The following SGCZ variants were observed in gnomAD, a reference collection of about 807,000 sequenced individuals.
SGCZ encodes sarcoglycan zeta.
SGCZ carries 40 observed loss-of-function variants against 41.3 expected under a neutral mutation model. The observed-to-expected ratio is 0.97, with a 90% CI of 0.75 to 1.26. SGCZ has a LOEUF of 1.26. SGCZ is among the 50% of genes most tolerant of loss of function. SGCZ has a pLI of 0.00. For synonymous variants in SGCZ, 206 were observed against 137.5 expected (o/e 1.50, Z -3.49); for missense variants, 552 against 369.8 (o/e 1.49, Z -4.04).
At chr8:14,625,218 T>A (rs1440968434) in intron 1 of SGCZ, among the ~76,000 whole-genome samples, 2 of 152,136 alleles carry the variant, frequency 1.3e-5, no homozygotes, top group Non-Finnish European at 2.9e-5. Flanking sequence ...TTACAACATT[T>A]TTTAACATAC....
chr8:14,681,569 C>A (rs1477647709), intron 1 of SGCZ, among the ~76,000 whole-genome samples: 4 of 152,118 alleles, frequency 2.6e-5, no homozygotes, highest in Non-Finnish European at 5.9e-5. Flanking sequence ...TAAAGAGAAG[C>A]TAAAGTTATG....
At chr8:15,047,320 T>A (rs1563465519) in intron 1 of SGCZ, among the ~76,000 whole-genome samples, 1 of 152,056 alleles carries the variant, frequency 6.6e-6, no homozygotes, top group Non-Finnish European at 1.5e-5. Context: ...ATGTTTTCAT[T>A]TCCCAGAAAT....
At chr8:14,210,809 A>G (rs1166772504) in intron 4 of SGCZ, among the ~76,000 whole-genome samples, 1 of 152,140 alleles carries the variant, frequency 6.6e-6, no homozygotes, top group East Asian at 1.9e-4. Context: ...ATTTGTGGTC[A>G]CTATTTGCCA....
intron 1 of SGCZ, among the ~76,000 whole-genome samples, chr8:15,140,494 G>T (rs1808279091): frequency 6.6e-6 from 1 of 152,076 alleles, no homozygotes; most frequent in Admixed American, 6.5e-5. Flanking sequence ...CTTGAGGATG[G>T]AGATAATACA....
At chr8:14,622,952 T>A (rs1466629417) in intron 1 of SGCZ, among the ~76,000 whole-genome samples, 2 of 152,180 alleles carry the variant, frequency 1.3e-5, no homozygotes, top group East Asian at 3.8e-4. Flanking sequence ...AAACTCCATG[T>A]ATCTATTGAT....
chr8:14,803,585 G>C (rs1015103252), intron 1 of SGCZ, among the ~76,000 whole-genome samples: 7 of 152,116 alleles, frequency 4.6e-5, no homozygotes, highest in African/African-American at 1.7e-4. Context: ...CTGACGCCCA[G>C]GGAGTCTCCC....
intron 1 of SGCZ, among the ~76,000 whole-genome samples, chr8:15,158,687 A>G (rs2117035267): frequency 6.6e-6 from 1 of 152,356 alleles, no homozygotes; most frequent in African/African-American, 2.4e-5. Flanking sequence ...TTGAATATAA[A>G]TAGTGAGGCC....
chr8:15,108,032 T>G (rs1190811606), intron 1 of SGCZ, among the ~76,000 whole-genome samples: 2 of 152,212 alleles, frequency 1.3e-5, no homozygotes, highest in South Asian at 4.1e-4. Flanking sequence ...TGGGATTTAC[T>G]AATAGTTTTT....
chr8:14,263,796 A>G (rs1228819222), intron 3 of SGCZ, among the ~76,000 whole-genome samples: 1 of 152,182 alleles, frequency 6.6e-6, no homozygotes, highest in Non-Finnish European at 1.5e-5. Context: ...CAAGAAGGAC[A>G]GAGTCACACT....
chr8:14,218,575 T>C (rs1411731849), intron 4 of SGCZ, among the ~76,000 whole-genome samples: 2 of 152,248 alleles, frequency 1.3e-5, no homozygotes, highest in Non-Finnish European at 2.9e-5. Flanking sequence ...GACAGTGGAA[T>C]GCATTCTTAA....
intron 1 of SGCZ, among the ~76,000 whole-genome samples, chr8:15,063,970 G>A (rs567411734): frequency 6.6e-6 from 1 of 152,084 alleles, no homozygotes; most frequent in Admixed American, 6.5e-5. Context: ...CTTATTTTCT[G>A]TTATTCCGAT....
chr8:15,209,084 C>G (rs1044686652), intron 1 of SGCZ, among the ~76,000 whole-genome samples: 1 of 133,720 alleles, frequency 7.5e-6, no homozygotes, highest in African/African-American at 2.7e-5. Context: ...CACAGTCACT[C>G]ATAACTTTGC....
At chr8:15,127,780 G>A (rs1193734734) in intron 1 of SGCZ, among the ~76,000 whole-genome samples, 1 of 152,076 alleles carries the variant, frequency 6.6e-6, no homozygotes, top group African/African-American at 2.4e-5. Flanking sequence ...CAACATTAAT[G>A]TTATCAACAC....
chr8:15,032,519 G>A (rs1563453446), intron 1 of SGCZ, among the ~76,000 whole-genome samples: 1 of 152,060 alleles, frequency 6.6e-6, no homozygotes, highest in Admixed American at 6.5e-5. Flanking sequence ...GGGACTTATG[G>A]ACTGAGCCCC....
intron 5 of SGCZ, among the ~76,000 whole-genome samples, chr8:14,150,281 T>A (rs1190093986): frequency 6.6e-6 from 1 of 152,074 alleles, no homozygotes; most frequent in African/African-American, 2.4e-5. Flanking sequence ...AAACTACCCA[T>A]CTGACAAGGG....
intron 1 of SGCZ, among the ~76,000 whole-genome samples, chr8:14,645,622 T>A (rs1000504636): frequency 1.8e-4 from 28 of 151,370 alleles, no homozygotes; most frequent in African/African-American, 6.8e-4. Context: ...GAAAATGATC[T>A]TTTCCTATCT....
chr8:14,414,612 GT>G (rs1799447232), intron 2 of SGCZ, among the ~76,000 whole-genome samples: 1 of 151,960 alleles, frequency 6.6e-6, no homozygotes, highest in African/African-American at 2.4e-5. Flanking sequence ...CTGAGAAAAT[GT>G]GTGATATGTC....
chr8:14,473,551 C>T (rs866553702), intron 2 of SGCZ, among the ~76,000 whole-genome samples: 8 of 152,090 alleles, frequency 5.3e-5, no homozygotes, highest in African/African-American at 9.7e-5. Context: ...GAATTGTCAA[C>T]TACATAGGTG....
At chr8:14,447,376 G>A (rs577260716) in intron 2 of SGCZ, among the ~76,000 whole-genome samples, 1 of 152,012 alleles carries the variant, frequency 6.6e-6, no homozygotes, top group East Asian at 1.9e-4. Flanking sequence ...TGTTACTTGG[G>A]TAAAAAATTC....
Sources: allele counts gnomAD v4.1 joint callset (sites outside exome capture counted in the v4.1 genomes callset), GRCh38; gene constraint gnomAD v4.1.1; transcripts MANE v1.5; gene names NCBI Gene and HGNC (gene_info 2026-07-23, HGNC 2026-07-21).